The following ST8SIA4 variants were observed in gnomAD, a reference collection of about 807,000 sequenced individuals.
ST8SIA4 encodes ST8 alpha-N-acetyl-neuraminide alpha-2,8-sialyltransferase 4, also known as CMP-N-acetylneuraminate-poly-alpha-2,8-sialyltransferase.
In ST8SIA4, 15 loss-of-function variants were observed where a neutral mutation model predicts 33.9. That is an observed-to-expected ratio of 0.44 (90% CI 0.30 to 0.68). The LOEUF is 0.68. Ranked by LOEUF, ST8SIA4 falls within the 30% of genes least tolerant of loss-of-function variation. The pLI, the probability that ST8SIA4 is intolerant of heterozygous loss-of-function variation, is 0.10. For missense variants in ST8SIA4, 321 were observed against 428.0 expected, an observed-to-expected ratio of 0.75 and a Z score of 2.21; for synonymous variants, 171 against 151.2, an observed-to-expected ratio of 1.13 and a Z score of -0.96.
chr5:100,840,672 C>T (rs1260139715), intron 4 of ST8SIA4, among the ~76,000 whole-genome samples: 2 of 151,686 alleles, frequency 1.3e-5, no homozygotes, highest in African/African-American at 2.4e-5. Context: ...CCTATATTAT[C>T]TCCTGACTAG....
chr5:100,807,511 A>T lies in ST8SIA4; in HGVS notation c.*4336T>A, dbSNP rs1030561214. 4 of 152,550 alleles carry T rather than the reference A, an allele frequency of 2.6e-5. No homozygotes were observed. Among genetic ancestry groups the T allele is most frequent in the African/African-American group, 9.6e-5 (4 of 41,454 alleles). 9.4% of individuals were successfully genotyped at this position (152,550 alleles called of 1,614,324 possible). On this transcript the variant is annotated 3_prime_UTR_variant, in exon 5 of 5. Coordinates refer to ENST00000231461, the MANE Select transcript of ST8SIA4 (RefSeq NM_005668.6). Reference sequence around the variant, plus strand: ...CTTAAATGAGAAACACAAGGCCTGGAGCCACAATCTGAAAACTGTAATTCG... The same window carrying T: ...CTTAAATGAGAAACACAAGGCCTGGTGCCACAATCTGAAAACTGTAATTCG...
intron 4 of ST8SIA4, among the ~76,000 whole-genome samples, chr5:100,841,908 A>G (rs369188116): frequency 1.3e-5 from 2 of 151,800 alleles, no homozygotes; most frequent in Non-Finnish European, 1.5e-5. Flanking sequence ...TCACTTCCCT[A>G]TGTAATCTTG....
intron 1 of ST8SIA4, among the ~76,000 whole-genome samples, chr5:100,897,062 A>G (rs1421032279): frequency 6.6e-6 from 1 of 152,176 alleles, no homozygotes; most frequent in Non-Finnish European, 1.5e-5. Context: ...CTGCATGTAA[A>G]AGTAATTTTT....
In ST8SIA4 at chr5:100,885,573, T is replaced by G. The variant is rs144869384; in HGVS notation, c.503+770A>C. 9 of 930,206 alleles carry G rather than the reference T, an allele frequency of 9.7e-6. No individual in the cohort carries two copies. In the East Asian group the frequency reaches 1.1e-3, roughly 109 times the overall value. 57.6% of individuals were successfully genotyped at this position (930,206 alleles called of 1,614,324 possible). A position where few individuals can be genotyped will look rare whatever the true frequency, so the allele number is the denominator to read the frequency against. ...TATTGTACTATTTCATATTTCAATA[T>G]CCATGTTTCTGTCATTTAGCTAATT... On this transcript the variant is annotated intron_variant, in intron 3 of 4. Coordinates refer to ENST00000231461, the MANE Select transcript of ST8SIA4 (RefSeq NM_005668.6).
chr5:100,894,135 A>C (rs1752731870), intron 2 of ST8SIA4, among the ~76,000 whole-genome samples: 2 of 152,126 alleles, frequency 1.3e-5, no homozygotes. Context: ...GAAAGATGTG[A>C]GCTCCAGGTA....
Position 100,903,022 on chromosome 5 carries a change from T to G in ST8SIA4, c.-67A>C. 1 of 1,140,266 alleles carries G rather than the reference T, an allele frequency of 8.8e-7. No individual in the cohort carries two copies. Among genetic ancestry groups the G allele is most frequent in the Non-Finnish European group, 1.3e-6 (1 of 758,078 alleles). The allele number at this position is 1,140,266 out of a possible 1,614,324, so 70.6% of individuals were successfully genotyped here. ...CCTTCTCTTGATATAAAGGCTCCGT[T>G]TTGGGGAGATAGTCGCGGGGGTGAA... On this transcript the variant is annotated 5_prime_UTR_variant, in exon 1 of 5. Coordinates refer to ENST00000231461, the MANE Select transcript of ST8SIA4 (RefSeq NM_005668.6).
intron 2 of ST8SIA4, among the ~76,000 whole-genome samples, chr5:100,894,028 T>A (rs1009792422): frequency 7.2e-5 from 11 of 152,254 alleles, no homozygotes; most frequent in African/African-American, 2.6e-4. Flanking sequence ...ATCTTGTGAC[T>A]TTTTCCTCAT....
At chr5:100,859,746 A>G (rs1429338868) in intron 3 of ST8SIA4, among the ~76,000 whole-genome samples, 1 of 152,122 alleles carries the variant, frequency 6.6e-6, no homozygotes, top group East Asian at 1.9e-4. Flanking sequence ...TAGGGAATAA[A>G]TGTTTATTTC....
chr5:100,872,702 C>T (rs1752221780), intron 3 of ST8SIA4, among the ~76,000 whole-genome samples: 1 of 151,960 alleles, frequency 6.6e-6, no homozygotes, highest in South Asian at 2.1e-4. Context: ...TTTCCTGAGG[C>T]CTACCCAGCC....
chr5:100,836,702 GA>G (rs1751368264), intron 4 of ST8SIA4, among the ~76,000 whole-genome samples: 1 of 151,742 alleles, frequency 6.6e-6, no homozygotes, highest in South Asian at 2.1e-4. Flanking sequence ...TTTTTTTAAA[GA>G]AAACGAAATT....
intron 3 of ST8SIA4, among the ~76,000 whole-genome samples, chr5:100,867,194 T>C (rs1276373401): frequency 3.9e-5 from 6 of 152,046 alleles, no homozygotes; most frequent in African/African-American, 7.2e-5. Context: ...GGAAAAAATA[T>C]GAGTTGTTGA....
intron 2 of ST8SIA4, 61 bp downstream of exon 2, chr5:100,895,593 C>G: frequency 6.5e-7 from 1 of 1,538,784 alleles, no homozygotes; most frequent in Non-Finnish European, 8.8e-7. Flanking sequence ...ACAAGTTTGC[C>G]AAGCCCAACG....
intron 3 of ST8SIA4, among the ~76,000 whole-genome samples, chr5:100,880,638 C>T (rs1051610321): frequency 2.0e-5 from 3 of 152,152 alleles, no homozygotes; most frequent in Non-Finnish European, 4.4e-5. Flanking sequence ...AAGAATGCAA[C>T]CCGTCACATC....
chr5:100,892,888 C>T (rs903048659), intron 2 of ST8SIA4, among the ~76,000 whole-genome samples: 1 of 151,942 alleles, frequency 6.6e-6, no homozygotes, highest in African/African-American at 2.4e-5. Context: ...TTTATGCATG[C>T]AGGGCTTAAA....
Position 100,873,411 on chromosome 5 carries a change from CA to C in ST8SIA4, c.503+12931del, listed in dbSNP as rs954570348. On this transcript the variant is annotated intron_variant, in intron 3 of 4. Coordinates refer to ENST00000231461, the MANE Select transcript of ST8SIA4 (RefSeq NM_005668.6). The stretch of plus-strand genomic sequence containing the variant: ...ATTCCAACTAATTAGCCAAAAGTGA[CA>C]AAAAAAAATGTTATGTAGCTCTTAG... 3.3e-3 allele frequency among the ~76,000 whole-genome samples: 491 copies of C among 150,368 alleles called. 1 individual carries two copies. Among genetic ancestry groups the C allele is most frequent in the African/African-American group, 9.9e-3 (407 of 41,064 alleles).
At chr5:100,858,601 G>C (rs1257214969) in intron 3 of ST8SIA4, among the ~76,000 whole-genome samples, 1 of 151,984 alleles carries the variant, frequency 6.6e-6, no homozygotes, top group Non-Finnish European at 1.5e-5. Context: ...TTTCTCAAAA[G>C]GTGGTAAGAT....
chr5:100,842,566 A>G (rs1265413523), intron 4 of ST8SIA4, among the ~76,000 whole-genome samples: 1 of 151,860 alleles, frequency 6.6e-6, no homozygotes, highest in Non-Finnish European at 1.5e-5. Flanking sequence ...GGCTATTAAC[A>G]TTTATAATGA....
chr5:100,892,202 A>T (rs1487600970), intron 2 of ST8SIA4, among the ~76,000 whole-genome samples: 1 of 152,116 alleles, frequency 6.6e-6, no homozygotes, highest in Non-Finnish European at 1.5e-5. Context: ...AATAATCCAA[A>T]TATGGAAAAA....
intron 3 of ST8SIA4, chr5:100,886,082 ATTTGCCTCCCCCCTC>A: frequency 8.4e-7 from 1 of 1,195,130 alleles, no homozygotes. Flanking sequence ...TAAAATTGCC[ATTTGCCTCCCCCCTC>A]ACCTCACCAA....
Sources: allele counts gnomAD v4.1 joint callset (sites outside exome capture counted in the v4.1 genomes callset), GRCh38; gene constraint gnomAD v4.1.1; transcripts MANE v1.5; gene names NCBI Gene and HGNC (gene_info 2026-07-23, HGNC 2026-07-21).